Variants in DTNB observed in about 807,000 individuals in gnomAD.
The protein encoded by DTNB is dystrobrevin beta, also known as DTN-B.
DTNB carries 63 observed loss-of-function variants against 90.7 expected under a neutral mutation model. The observed-to-expected ratio is 0.69, with a 90% CI of 0.57 to 0.86. The LOEUF is 0.86. Ranked by LOEUF, DTNB falls within the 40% of genes least tolerant of loss-of-function variation. The probability of loss-of-function intolerance (pLI) is 0.00; values close to 1 mark genes in which losing one functional copy is unlikely to be tolerated. For missense variants in DTNB, 744 were observed against 807.1 expected (o/e 0.92, Z 0.95); for synonymous variants, 277 against 286.7 (o/e 0.97, Z 0.34).
intron 9 of DTNB, among the ~76,000 whole-genome samples, chr2:25,487,858 G>A (rs917959915): frequency 3.3e-5 from 5 of 152,196 alleles, no homozygotes; most frequent in Non-Finnish European, 5.9e-5. Flanking sequence ...GATGTGAAAG[G>A]AGCTTGTCCT....
chr2:25,610,380 G>A (rs1189208997), intron 4 of DTNB, among the ~76,000 whole-genome samples: 1 of 152,104 alleles, frequency 6.6e-6, no homozygotes, highest in African/African-American at 2.4e-5. Flanking sequence ...ACTTTAAAGA[G>A]AGAGAGAGTA....
At chr2:25,413,347 T>C (rs952132746) in intron 16 of DTNB, among the ~76,000 whole-genome samples, 2 of 152,032 alleles carry the variant, frequency 1.3e-5, no homozygotes, top group Admixed American at 1.3e-4. Flanking sequence ...ACATCTGCCA[T>C]GTTGGTGTGC....
chr2:25,377,782 A>G (rs1020876242), intron 20 of DTNB, among the ~76,000 whole-genome samples: 1 of 152,186 alleles, frequency 6.6e-6, no homozygotes, highest in Non-Finnish European at 1.5e-5. Flanking sequence ...CAAGGTTTGA[A>G]TGGGGTGATT....
chr2:25,528,736 T>C (rs888531323), intron 9 of DTNB, among the ~76,000 whole-genome samples: 2 of 152,208 alleles, frequency 1.3e-5, no homozygotes, highest in Non-Finnish European at 2.9e-5. Flanking sequence ...AGGTGTATTT[T>C]ATTGCATGTA....
At chr2:25,501,623 T>A (rs1188450371) in intron 9 of DTNB, among the ~76,000 whole-genome samples, 1 of 152,210 alleles carries the variant, frequency 6.6e-6, no homozygotes, top group Non-Finnish European at 1.5e-5. Context: ...GAGATCAGCC[T>A]TGGCCTCCCA....
chr2:25,544,722 C>T (rs1379779048), intron 8 of DTNB, among the ~76,000 whole-genome samples: 2 of 152,192 alleles, frequency 1.3e-5, no homozygotes, highest in Admixed American at 6.5e-5. Flanking sequence ...CATGCCTCAA[C>T]CAATTTCATG....
intron 8 of DTNB, among the ~76,000 whole-genome samples, chr2:25,553,610 G>A (rs1340108354): frequency 6.6e-6 from 1 of 151,774 alleles, no homozygotes; most frequent in Non-Finnish European, 1.5e-5. Context: ...TGTGGTGGCA[G>A]GCGCCTGTAA....
At chr2:25,571,625 A>C (rs2059882247) in intron 8 of DTNB, among the ~76,000 whole-genome samples, 1 of 151,594 alleles carries the variant, frequency 6.6e-6, no homozygotes, top group South Asian at 2.1e-4. Flanking sequence ...TCCCTATTCA[A>C]CCTCCAATCT....
intron 10 of DTNB, among the ~76,000 whole-genome samples, chr2:25,467,998 T>G (rs1020372093): frequency 7.2e-5 from 11 of 152,080 alleles, no homozygotes; most frequent in Non-Finnish European, 1.6e-4. Context: ...CCGCTGCCCT[T>G]GTGTGTACCA....
chr2:25,554,448 A>G (rs1304427687), intron 8 of DTNB, among the ~76,000 whole-genome samples: 1 of 152,226 alleles, frequency 6.6e-6, no homozygotes, highest in African/African-American at 2.4e-5. Flanking sequence ...ATTACCCATA[A>G]GTAAAGCTCA....
At chr2:25,533,711 T>C (rs1304750780) in intron 8 of DTNB, among the ~76,000 whole-genome samples, 1 of 152,274 alleles carries the variant, frequency 6.6e-6, no homozygotes, top group East Asian at 1.9e-4. Flanking sequence ...TTTAGGTCTC[T>C]GTATCTTGGC....
intron 10 of DTNB, among the ~76,000 whole-genome samples, chr2:25,464,198 C>T (rs528815210): frequency 1.3e-5 from 2 of 152,300 alleles, no homozygotes; most frequent in South Asian, 2.1e-4. Context: ...CATGAGCTAT[C>T]GTGCCCAGCC....
At chr2:25,623,443 G>T (rs754333338) in intron 4 of DTNB, among the ~76,000 whole-genome samples, 1 of 152,130 alleles carries the variant, frequency 6.6e-6, no homozygotes, top group Non-Finnish European at 1.5e-5. Context: ...AGGCAGAAGG[G>T]GTCCCTTGGC....
chr2:25,572,361 G>A (rs1192210659), intron 8 of DTNB, among the ~76,000 whole-genome samples: 1 of 152,034 alleles, frequency 6.6e-6, no homozygotes, highest in African/African-American at 2.4e-5. Flanking sequence ...TAGCAACTCA[G>A]GAGGCTGAGG....
At chr2:25,547,268 CTTCTT>C (rs1026478111) in intron 8 of DTNB, among the ~76,000 whole-genome samples, 4 of 144,398 alleles carry the variant, frequency 2.8e-5, no homozygotes, top group African/African-American at 1.0e-4. Context: ...TACCTGTATA[CTTCTT>C]TTTTTTTTTA....
chr2:25,488,154 GGGGAATGGAA>G (rs2066580240), intron 9 of DTNB, among the ~76,000 whole-genome samples: 1 of 152,156 alleles, frequency 6.6e-6, no homozygotes, highest in Non-Finnish European at 1.5e-5. Flanking sequence ...TTGGGAAGCA[GGGGAATGGAA>G]GCTAGGAGGC....
intron 8 of DTNB, among the ~76,000 whole-genome samples, chr2:25,571,485 T>C (rs2059856730): frequency 6.6e-6 from 1 of 152,212 alleles, no homozygotes; most frequent in South Asian, 2.1e-4. Context: ...ATTCTGGCCA[T>C]GCTGGCTTCT....
intron 8 of DTNB, among the ~76,000 whole-genome samples, chr2:25,559,986 C>T (rs528328699): frequency 3.9e-5 from 6 of 152,338 alleles, no homozygotes; most frequent in South Asian, 4.1e-4. Flanking sequence ...GGGTGGCTCA[C>T]GCCTGTAATC....
At chr2:25,445,213 A>T (rs989289305) in intron 12 of DTNB, among the ~76,000 whole-genome samples, 1 of 152,138 alleles carries the variant, frequency 6.6e-6, no homozygotes, top group Non-Finnish European at 1.5e-5. Context: ...GGCCCATCTC[A>T]ACAAGTTTAT....
Sources: gnomAD v4.1 joint callset for allele counts (sites outside exome capture counted in the v4.1 genomes callset) on GRCh38, gnomAD v4.1.1 for gene constraint, MANE v1.5 for transcripts, NCBI Gene and HGNC (gene_info 2026-07-23, HGNC 2026-07-21) for gene names.